CERS6: variants seen among roughly 807,000 people sequenced by gnomAD.
CERS6 encodes the protein ceramide synthase 6.
CERS6 carries 26 observed loss-of-function variants against 56.8 expected under a neutral mutation model. That is an observed-to-expected ratio of 0.46 (90% CI 0.34 to 0.63). The LOEUF is 0.63. Ranked by LOEUF, CERS6 falls within the 30% of genes least tolerant of loss-of-function variation. The probability of loss-of-function intolerance (pLI) is 0.01; values close to 1 mark genes in which losing one functional copy is unlikely to be tolerated. For missense variants in CERS6, 415 were observed against 467.5 expected (o/e 0.89, Z 1.04); for synonymous variants, 164 against 173.3 (o/e 0.95, Z 0.42).
rs143705859 is a variant in CERS6, at chr2:168,592,343, T to A, written c.407+31021T>A. Reference sequence around the variant, plus strand: ...CAGGAAAGCACTGGAGAGCCTGAGCTGCCCCACTGGCTGGAGCTCAGGACG... The same window carrying A: ...CAGGAAAGCACTGGAGAGCCTGAGCAGCCCCACTGGCTGGAGCTCAGGACG... On this transcript the variant is annotated intron_variant, in intron 3 of 9. Coordinates refer to ENST00000305747, the MANE Select transcript of CERS6 (RefSeq NM_203463.3). 1.5e-3 allele frequency among the ~76,000 whole-genome samples: 225 copies of A among 152,200 alleles called. 1 individual carries two copies. Among genetic ancestry groups the A allele is most frequent in the Non-Finnish European group, 2.6e-3 (179 of 67,994 alleles).
chr2:168,646,600 G>A (rs1480270089), intron 4 of CERS6, among the ~76,000 whole-genome samples: 2 of 152,206 alleles, frequency 1.3e-5, no homozygotes, highest in Non-Finnish European at 2.9e-5. Flanking sequence ...TCTTCGTCAT[G>A]AAATCTTTGT....
intron 1 of CERS6, among the ~76,000 whole-genome samples, chr2:168,466,310 A>G (rs1693873472): frequency 6.6e-6 from 1 of 152,192 alleles, no homozygotes; most frequent in Non-Finnish European, 1.5e-5. Flanking sequence ...GATTAAAGTC[A>G]AGTCACCCTG....
At chr2:168,675,417 T>G (rs1686032918) in intron 4 of CERS6, among the ~76,000 whole-genome samples, 1 of 151,974 alleles carries the variant, frequency 6.6e-6, no homozygotes, top group African/African-American at 2.4e-5. Flanking sequence ...AAACCCTGCC[T>G]CTACAAAAAA....
In CERS6 at chr2:168,694,973, C is replaced by T. The variant is rs1483158184; in HGVS notation, c.531C>T (p.Asp177=). The part of the protein sequence containing the change: ...YNYPYQPLTT[D]LHYYYILELS... ...TTCACCTTCAGCCACTCACAACTGA[C>T]CTTCACTACTATTACATCCTGGAGC... The change falls in exon 6 of 10, where the codon GAC becomes GAT. Residue 177 remains aspartate (D), a synonymous_variant. Coordinates refer to ENST00000305747, the MANE Select transcript of CERS6 (RefSeq NM_203463.3). 1 of 1,613,162 alleles carries T rather than the reference C, an allele frequency of 6.2e-7. No individual in the cohort carries two copies. The highest frequency in any genetic ancestry group is 1.3e-5 in the African/African-American group (1 of 74,824).
intron 1 of CERS6, among the ~76,000 whole-genome samples, chr2:168,457,455 A>G (rs1693693331): frequency 6.6e-6 from 1 of 152,040 alleles, no homozygotes; most frequent in African/African-American, 2.4e-5. Context: ...TGTTATTCTC[A>G]TGGAATTCGT....
At chr2:168,685,520 C>T (rs1686325871) in intron 4 of CERS6, among the ~76,000 whole-genome samples, 1 of 152,134 alleles carries the variant, frequency 6.6e-6, no homozygotes, top group African/African-American at 2.4e-5. Flanking sequence ...CAGACCTTAT[C>T]TGTTTTTCTG....
intron 8 of CERS6, among the ~76,000 whole-genome samples, chr2:168,763,391 C>T (rs1438702538): frequency 2.0e-5 from 3 of 151,616 alleles, no homozygotes; most frequent in Non-Finnish European, 4.4e-5. Context: ...ACAACAGGCA[C>T]ACACCAGCAC....
intron 3 of CERS6, among the ~76,000 whole-genome samples, chr2:168,575,205 G>T (rs867113065): frequency 6.6e-6 from 1 of 152,094 alleles, no homozygotes; most frequent in Non-Finnish European, 1.5e-5. Context: ...CATTAGAATT[G>T]TTCAAAACAC....
In CERS6 at chr2:168,663,259, T is replaced by C. The variant is rs80191145; in HGVS notation, c.466-27775T>C. 0.015 allele frequency among the ~76,000 whole-genome samples: 2,356 copies of C among 152,316 alleles called. 109 individuals are homozygous for C. In the East Asian group the frequency reaches 0.16, roughly 11 times the overall value. On this transcript the variant is annotated intron_variant, in intron 4 of 9. Coordinates refer to ENST00000305747, the MANE Select transcript of CERS6 (RefSeq NM_203463.3). ...AGTACTTTTAAAAATGCATTATTAG[T>C]TCAGTTGATGATTCATGCCTTTTAG...
intron 3 of CERS6, among the ~76,000 whole-genome samples, chr2:168,573,469 T>C (rs80051768): frequency 1.3e-5 from 2 of 152,310 alleles, no homozygotes; most frequent in East Asian, 3.9e-4. Context: ...AAGTGGGTTA[T>C]ATTACAATTT....
chr2:168,645,116 A>AAATATATATATATAT (rs1553503146), intron 4 of CERS6, among the ~76,000 whole-genome samples: 1 of 19,018 alleles, frequency 5.3e-5, no homozygotes, highest in Non-Finnish European at 1.0e-4. Context: ...AAAAAAAAAA[A>AAATATATATATATAT]ATATATATAT....
At chr2:168,477,270 T>C (rs1694096491) in intron 1 of CERS6, among the ~76,000 whole-genome samples, 1 of 151,344 alleles carries the variant, frequency 6.6e-6, no homozygotes, top group Non-Finnish European at 1.5e-5. Flanking sequence ...TTGTAATTGC[T>C]TCTCAAGGCC....
intron 8 of CERS6, among the ~76,000 whole-genome samples, chr2:168,722,187 TA>T (rs1162836578): frequency 6.6e-6 from 1 of 152,216 alleles, no homozygotes; most frequent in African/African-American, 2.4e-5. Context: ...ATATTATATA[TA>T]AAGGACTTAT....
chr2:168,582,354 T>C (rs1052400672), intron 3 of CERS6, among the ~76,000 whole-genome samples: 2 of 152,164 alleles, frequency 1.3e-5, no homozygotes, highest in Non-Finnish European at 2.9e-5. Flanking sequence ...GCTGTGGTGT[T>C]CTACTTAGGT....
intron 1 of CERS6, among the ~76,000 whole-genome samples, chr2:168,480,277 G>A (rs938955691): frequency 7.9e-5 from 12 of 152,304 alleles, no homozygotes; most frequent in African/African-American, 2.9e-4. Context: ...CTTAGCATAC[G>A]TAATTGACTT....
chr2:168,746,812 TATATATATAA>T lies in CERS6; in HGVS notation c.846-18778_846-18769del, dbSNP rs1421013649. Among the ~76,000 whole-genome samples, 353 of 117,554 alleles carry T rather than the reference TATATATATAA, an allele frequency of 3.0e-3. 5 individuals are homozygous for T. The highest frequency in any genetic ancestry group is 0.013 in the South Asian group (47 of 3,658). The allele number at this position is 117,554 out of a possible 152,430, so 77.1% of individuals were successfully genotyped here. A position where few individuals can be genotyped will look rare whatever the true frequency, so the allele number is the denominator to read the frequency against. On this transcript the variant is annotated intron_variant, in intron 8 of 9. Coordinates refer to ENST00000305747, the MANE Select transcript of CERS6 (RefSeq NM_203463.3). ...ATATATATATATATATATATATATA[TATATATATAA>T]AATCATCTTTGAAAAAATGATTATA...
At chr2:168,593,542 TGTTTTGTTTTGTTTG>T (rs913432530) in intron 3 of CERS6, among the ~76,000 whole-genome samples, 2 of 151,978 alleles carry the variant, frequency 1.3e-5, no homozygotes, top group Non-Finnish European at 2.9e-5. Flanking sequence ...TGTTTTGTTT[TGTTTTGTTTTGTTTG>T]TTTTCTCCCT....
chr2:168,718,763 A>G (rs1312256739), intron 8 of CERS6, among the ~76,000 whole-genome samples: 1 of 152,214 alleles, frequency 6.6e-6, no homozygotes, highest in Non-Finnish European at 1.5e-5. Flanking sequence ...ACTCATTACT[A>G]AGCCTTCTAA....
intron 4 of CERS6, among the ~76,000 whole-genome samples, chr2:168,664,700 G>A (rs904056868): frequency 3.9e-5 from 6 of 152,140 alleles, no homozygotes; most frequent in African/African-American, 1.4e-4. Flanking sequence ...CAGTGAGGAT[G>A]CCCAGAGGTC....
Sources: allele counts gnomAD v4.1 joint callset (sites outside exome capture counted in the v4.1 genomes callset), GRCh38; gene constraint gnomAD v4.1.1; transcripts MANE v1.5; gene names NCBI Gene and HGNC (gene_info 2026-07-23, HGNC 2026-07-21).